Variants in TRABD2A observed in about 807,000 individuals in gnomAD.
The protein encoded by TRABD2A is TraB domain containing 2A, also known as metalloprotease TIKI1.
In TRABD2A, 43 loss-of-function variants were observed where a neutral mutation model predicts 45.6. The ratio of observed to expected loss-of-function variants is 0.94; its 90% CI spans 0.74 to 1.22. The LOEUF is 1.22. Ranked by LOEUF, TRABD2A falls within the 50% of genes most tolerant of loss-of-function variation. The probability of loss-of-function intolerance (pLI) is 0.00; values close to 1 mark genes in which losing one functional copy is unlikely to be tolerated. For missense variants in TRABD2A, 642 were observed against 652.4 expected (o/e 0.98, Z 0.17); for synonymous variants, 269 against 265.0 (o/e 1.02, Z -0.15).
intron 2 of TRABD2A, among the ~76,000 whole-genome samples, chr2:84,845,229 T>C (rs948004825): frequency 1.3e-5 from 2 of 152,166 alleles, no homozygotes; most frequent in Admixed American, 1.3e-4. Flanking sequence ...CAGGTGCCTG[T>C]AATCCCAGCT....
intron 2 of TRABD2A, among the ~76,000 whole-genome samples, chr2:84,848,614 C>T (rs1176664465): frequency 6.6e-6 from 1 of 150,780 alleles, no homozygotes; most frequent in Admixed American, 6.6e-5. Context: ...CTTGCTGTGT[C>T]ACCTAGGCTG....
chr2:84,880,272 C>T (rs1211560019), intron 1 of TRABD2A, among the ~76,000 whole-genome samples: 3 of 151,880 alleles, frequency 2.0e-5, no homozygotes, highest in South Asian at 4.2e-4. Context: ...CACTGAGCCT[C>T]CCTTGCCTGG....
At chr2:84,877,127 A>G (rs930751438) in intron 1 of TRABD2A, among the ~76,000 whole-genome samples, 1 of 152,154 alleles carries the variant, frequency 6.6e-6, no homozygotes, top group Non-Finnish European at 1.5e-5. Context: ...ATCCTGCCCT[A>G]CCAGACATGT....
chr2:84,869,745 C>T (rs574347404), intron 2 of TRABD2A, among the ~76,000 whole-genome samples: 5 of 151,802 alleles, frequency 3.3e-5, no homozygotes, highest in Non-Finnish European at 7.4e-5. Context: ...TTTGGGAGGC[C>T]GAGGCAGGCA....
intron 4 of TRABD2A, chr2:84,838,373 G>T (rs561131744): frequency 1.6e-6 from 1 of 610,984 alleles, no homozygotes; most frequent in Admixed American, 2.9e-5. Flanking sequence ...TTCCAGAGCT[G>T]TGGAAAAGTT....
chr2:84,829,197 T>A (rs1681237720), intron 5 of TRABD2A, among the ~76,000 whole-genome samples: 1 of 152,044 alleles, frequency 6.6e-6, no homozygotes, highest in Admixed American at 6.5e-5. Context: ...GATCCACCAA[T>A]AAATGCTCTT....
Position 84,870,498 on chromosome 2 carries a change from G to A in TRABD2A, c.396C>T (p.Leu132=). 4.3e-6 allele frequency: 7 copies of A among 1,614,034 alleles called. No individual in the cohort carries two copies. The highest frequency in any genetic ancestry group is 5.9e-6 in the Non-Finnish European group (7 of 1,179,896). Residue 132 remains leucine (L), a synonymous_variant, in exon 2 of 7, where the codon CTC becomes CTT. Transcript: ENST00000409520. Reference sequence around the variant, plus strand: ...CTGGGGTCATCCACAAGGGCATCATGAGCTTGACATACTCCAGGTGGCGCT... The same window carrying A: ...CTGGGGTCATCCACAAGGGCATCATAAGCTTGACATACTCCAGGTGGCGCT... ...RLKRHLEYVK[L]MMPLWMTPDQ... is the part of the protein sequence containing the mutation.
At chr2:84,873,094 G>C (rs1017189035) in intron 1 of TRABD2A, among the ~76,000 whole-genome samples, 1 of 125,456 alleles carries the variant, frequency 8.0e-6, no homozygotes, top group African/African-American at 3.2e-5. Context: ...CAGCCTAGGG[G>C]ACAGAGCGAG....
intron 5 of TRABD2A, among the ~76,000 whole-genome samples, chr2:84,825,707 G>A (rs1413194683): frequency 6.6e-6 from 1 of 152,130 alleles, no homozygotes; most frequent in African/African-American, 2.4e-5. Flanking sequence ...CCAAGCCATG[G>A]ACTAGCACTA....
chr2:84,831,866 C>T (rs1457634960), intron 5 of TRABD2A, among the ~76,000 whole-genome samples, 189 bp downstream of exon 5: 3 of 152,190 alleles, frequency 2.0e-5, no homozygotes, highest in Non-Finnish European at 2.9e-5. Context: ...CTGCCAACCA[C>T]GTCTGACACA....
chr2:84,832,402 C>T lies in TRABD2A; in HGVS notation c.992-257G>A, dbSNP rs1681369917. ...CAGCAAGTTACCTGAAGTCACAAAG[C>T]TAAGGGGATAGCCTGGACATCAAAC... On this transcript the variant is annotated intron_variant, in intron 4 of 6. Transcript: ENST00000409520. 8 of 491,504 alleles carry T rather than the reference C, an allele frequency of 1.6e-5. No homozygotes were observed. The East Asian group carries it at 2.7e-4, about 17-fold the overall frequency. The allele number at this position is 491,504 out of a possible 1,614,324, so 30.4% of individuals were successfully genotyped here. A position where few individuals can be genotyped will look rare whatever the true frequency, so the allele number is the denominator to read the frequency against.
At chr2:84,864,938 C>T (rs1191805879) in intron 2 of TRABD2A, among the ~76,000 whole-genome samples, 1 of 152,140 alleles carries the variant, frequency 6.6e-6, no homozygotes, top group African/African-American at 2.4e-5. Flanking sequence ...CCCTTAATAA[C>T]CACAGGCTGA....
chr2:84,866,831 T>C (rs1268641327), intron 2 of TRABD2A, among the ~76,000 whole-genome samples: 2 of 152,222 alleles, frequency 1.3e-5, no homozygotes, highest in Non-Finnish European at 2.9e-5. Flanking sequence ...ACGCCTGTAA[T>C]CGCAGCACTT....
intron 1 of TRABD2A, among the ~76,000 whole-genome samples, chr2:84,877,397 A>T (rs919452955): frequency 6.6e-6 from 1 of 152,178 alleles, no homozygotes; most frequent in African/African-American, 2.4e-5. Context: ...AGAAAAAAAA[A>T]CTGAACCACG....
chr2:84,866,954 G>A (rs551849279), intron 2 of TRABD2A, among the ~76,000 whole-genome samples: 1 of 152,028 alleles, frequency 6.6e-6, no homozygotes, highest in Admixed American at 6.6e-5. Context: ...GCGTGGTGGC[G>A]GGTGCCTGTA....
chr2:84,823,224 C>A (rs1323102625), intron 6 of TRABD2A, among the ~76,000 whole-genome samples: 2 of 152,140 alleles, frequency 1.3e-5, no homozygotes, highest in East Asian at 3.9e-4. Context: ...CACACATATG[C>A]ATGCACCACA....
chr2:84,865,663 C>T (rs1682652161), intron 2 of TRABD2A, among the ~76,000 whole-genome samples: 1 of 152,194 alleles, frequency 6.6e-6, no homozygotes, highest in Non-Finnish European at 1.5e-5. Context: ...CCCCACCCCA[C>T]CACGACGTCC....
At chr2:84,870,196 C>T (rs1342783389) in intron 2 of TRABD2A, 29 bp downstream of exon 2, 2 of 1,571,886 alleles carry the variant, frequency 1.3e-6, no homozygotes, top group Non-Finnish European at 1.7e-6. Context: ...CCAAATGCCA[C>T]TAAGTCTTTT....
At chr2:84,825,809 T>G (rs1005737197) in intron 5 of TRABD2A, among the ~76,000 whole-genome samples, 1 of 152,076 alleles carries the variant, frequency 6.6e-6, no homozygotes, top group African/African-American at 2.4e-5. Context: ...TCCTCTCAGA[T>G]TAGCAGGGAC....
Sources: gnomAD v4.1 joint callset for allele counts (sites outside exome capture counted in the v4.1 genomes callset) on GRCh38, gnomAD v4.1.1 for gene constraint, MANE v1.5 for transcripts, NCBI Gene and HGNC (gene_info 2026-07-23, HGNC 2026-07-21) for gene names.